MRPS22: variants seen among roughly 807,000 people sequenced by gnomAD.
MRPS22 encodes small ribosomal subunit protein mS22.
MRPS22 carries 30 observed loss-of-function variants against 44.0 expected under a neutral mutation model. That is an observed-to-expected ratio of 0.68 (90% CI 0.51 to 0.93). MRPS22 has a LOEUF of 0.93. MRPS22 is among the 40% of genes least tolerant of loss of function. The pLI, the probability that MRPS22 is intolerant of heterozygous loss-of-function variation, is 0.00. For synonymous variants in MRPS22, 165 were observed against 154.4 expected (o/e 1.07, Z -0.51); for missense variants, 447 against 447.8 (o/e 1.00, Z 0.02).
intron 5 of MRPS22, chr3:139,351,365 A>G (rs1941148825): frequency 2.6e-6 from 1 of 384,280 alleles, no homozygotes; most frequent in African/African-American, 2.1e-5. Flanking sequence ...TTTACCGTAT[A>G]GGAATCAAAT....
chr3:139,353,550 G>A (rs1941189309), intron 6 of MRPS22, among the ~76,000 whole-genome samples: 1 of 152,114 alleles, frequency 6.6e-6, no homozygotes, highest in South Asian at 2.1e-4. Flanking sequence ...TTTTTGACTC[G>A]CAGAGTATCC....
chr3:139,344,651 G>A (rs367898169), intron 1 of MRPS22: 4 of 691,712 alleles, frequency 5.8e-6, no homozygotes, highest in East Asian at 5.4e-5. Context: ...AGCTTCTCAA[G>A]CATAGGGGAC....
At chr3:139,347,977 C>T (rs552633391) in intron 2 of MRPS22, among the ~76,000 whole-genome samples, 183 bp from the exon 3 acceptor site, 57 of 152,342 alleles carry the variant, frequency 3.7e-4, no homozygotes, top group African/African-American at 1.3e-3. Flanking sequence ...GTGGTCTCAG[C>T]CACATCGCAG....
chr3:139,346,349 C>T (rs759379896), intron 1 of MRPS22, among the ~76,000 whole-genome samples: 2 of 152,190 alleles, frequency 1.3e-5, no homozygotes, highest in Non-Finnish European at 2.9e-5. Context: ...ATACCTCTCA[C>T]ATTATGTCTC....
rs1399571990 is a variant in MRPS22, at chr3:139,357,033, T to C, written c.*19T>C. The C allele has an allele frequency of 6.6e-7, 1 of 1,525,424 alleles. No individual in the cohort carries two copies. Among genetic ancestry groups the C allele is most frequent in the Non-Finnish European group, 9.0e-7 (1 of 1,105,304 alleles). 94.5% of individuals were successfully genotyped at this position (1,525,424 alleles called of 1,614,324 possible). A position where few individuals can be genotyped will look rare whatever the true frequency, so the allele number is the denominator to read the frequency against. ...TTCCTAAAAATATTTTAAAAATACA[T>C]TTATTTTACTAAATACTGACTACAT... On this transcript the variant is annotated 3_prime_UTR_variant, in exon 8 of 8. Coordinates refer to ENST00000680020, the MANE Select transcript of MRPS22 (RefSeq NM_020191.4).
Position 139,344,277 on chromosome 3 carries a change from G to A in MRPS22, c.172+79G>A, listed in dbSNP as rs74877536. On this transcript the variant is annotated intron_variant, in intron 1 of 7. Transcript: ENST00000680020. Reference sequence around the variant, plus strand: ...TGTTTCTGGCAGGCGAAAACCACGCGATAGCCCCCGCGACACGTATCCTAG... The same window carrying A: ...TGTTTCTGGCAGGCGAAAACCACGCAATAGCCCCCGCGACACGTATCCTAG... 0.075 allele frequency: 108,846 copies of A among 1,447,310 alleles called. 4,380 individuals carry two copies. Among genetic ancestry groups the A allele is most frequent in the Middle Eastern group, 0.12 (496 of 4,198 alleles). The allele number at this position is 1,447,310 out of a possible 1,614,324, so 89.7% of individuals were successfully genotyped here. A position where few individuals can be genotyped will look rare whatever the true frequency, so the allele number is the denominator to read the frequency against.
In MRPS22 at chr3:139,344,143, G is replaced by C. The variant is rs1940989571; in HGVS notation, c.117G>C (p.Pro39=). 1 of 1,613,452 alleles carries C rather than the reference G, an allele frequency of 6.2e-7. No homozygotes were observed. The highest frequency in any genetic ancestry group is 8.5e-7 in the Non-Finnish European group (1 of 1,179,766). ...CCTGGCACGGTGGCCTGCTCCAACCGCTACCTTGCTCTTTCGAGATGGGGC... is the reference window on the plus strand; with the variant it reads ...CCTGGCACGGTGGCCTGCTCCAACCCCTACCTTGCTCTTTCGAGATGGGGC... ...IQPWHGGLLQ[P]LPCSFEMGLP... is the part of the protein sequence containing the mutation. Residue 39 remains proline (P), a synonymous_variant, in exon 1 of 8, where the codon CCG becomes CCC. Transcript: ENST00000680020.
chr3:139,355,007 C>T lies in MRPS22; in HGVS notation c.879-675C>T, dbSNP rs372899082. Among the ~76,000 whole-genome samples, 4 of 152,324 alleles carry T rather than the reference C, an allele frequency of 2.6e-5. No individual in the cohort carries two copies. The South Asian group carries it at 8.3e-4, about 32-fold the overall frequency. On this transcript the variant is annotated intron_variant, in intron 6 of 7. Transcript: ENST00000680020. ...TTCTGAGAAGTACAGACCAGAAGAACTGAATTCTTGTTCTGTCTTCTTCAT... is the reference window on the plus strand; with the variant it reads ...TTCTGAGAAGTACAGACCAGAAGAATTGAATTCTTGTTCTGTCTTCTTCAT...
chr3:139,351,334 C>T, intron 5 of MRPS22: 1 of 437,848 alleles, frequency 2.3e-6, no homozygotes. Flanking sequence ...AGTTTGATGA[C>T]AAAGCCTATT....
rs780864664 is a variant in MRPS22 at position 139,356,992 on chromosome 3, G to A, written c.1061G>A (p.Ser354Asn). ...LTLQTYQEAL[S>N]RHSAAS is the part of the protein sequence containing the mutation. ...CTGCAGACTTATCAAGAAGCACTCA[G>A]TCGCCATTCTGCAGCTTCCTAAAAA... Residue 354 changes from serine (S) to asparagine (N), a missense_variant, in exon 8 of 8, where the codon AGT becomes AAT. Ser to Asn is a conservative substitution (Grantham distance 46). Transcript: ENST00000680020. 2 of 1,612,034 alleles carry A rather than the reference G, an allele frequency of 1.2e-6. No homozygotes were observed. The highest frequency in any genetic ancestry group is 1.1e-5 in the South Asian group (1 of 90,678).
At chr3:139,352,531 G>T (rs530849638) in intron 5 of MRPS22, 116 bp from the exon 6 acceptor site, 6 of 876,578 alleles carry the variant, frequency 6.8e-6, no homozygotes, top group African/African-American at 6.6e-5. Flanking sequence ...GGAGGCAACT[G>T]TAAGTAGACC....
At chr3:139,351,233 AC>A (rs1175870741) in intron 5 of MRPS22, 173 bp downstream of exon 5, 1 of 610,006 alleles carries the variant, frequency 1.6e-6, no homozygotes, top group Non-Finnish European at 2.9e-6. Context: ...AATCACAACA[AC>A]CCTTGATTAA....
At chr3:139,348,686 C>T (rs1941091037) in intron 3 of MRPS22, among the ~76,000 whole-genome samples, 1 of 152,166 alleles carries the variant, frequency 6.6e-6, no homozygotes, top group African/African-American at 2.4e-5. Context: ...ATTTCTTTAG[C>T]TGAAGCTTTT....
At chr3:139,346,374 T>A (rs943650446) in intron 1 of MRPS22, among the ~76,000 whole-genome samples, 1 of 152,102 alleles carries the variant, frequency 6.6e-6, no homozygotes, top group African/African-American at 2.4e-5. Flanking sequence ...CACCTCCCAC[T>A]TATACCGAGG....
At chr3:139,345,794 G>T (rs369193166) in intron 1 of MRPS22, among the ~76,000 whole-genome samples, 1 of 152,164 alleles carries the variant, frequency 6.6e-6, no homozygotes, top group African/African-American at 2.4e-5. Flanking sequence ...TGACTTGGCA[G>T]TATTCAAGTA....
chr3:139,354,408 T>G (rs1163566566), intron 6 of MRPS22, among the ~76,000 whole-genome samples: 1 of 152,244 alleles, frequency 6.6e-6, no homozygotes, highest in Non-Finnish European at 1.5e-5. Flanking sequence ...GCAGTCCAGT[T>G]AAGCTCTTTA....
intron 4 of MRPS22, 150 bp downstream of exon 4, chr3:139,350,472 G>C: frequency 1.2e-6 from 1 of 849,224 alleles, no homozygotes; most frequent in Non-Finnish European, 1.8e-6. Flanking sequence ...CTTTTGCCCA[G>C]GCTGAAGTGC....
At chr3:139,349,227 A>G in intron 3 of MRPS22, 2 of 423,822 alleles carry the variant, frequency 4.7e-6, no homozygotes, top group South Asian at 1.7e-5. Context: ...TAACTTGAAA[A>G]GGAGAAAGGA....
intron 4 of MRPS22, chr3:139,350,682 GC>G (rs1428639481): frequency 5.6e-5 from 2 of 35,834 alleles, no homozygotes; most frequent in Admixed American, 9.5e-4. Flanking sequence ...CCCCCCCCCC[GC>G]AATCCGACTC....
Sources: gnomAD v4.1 joint callset for allele counts (sites outside exome capture counted in the v4.1 genomes callset) on GRCh38, gnomAD v4.1.1 for gene constraint, MANE v1.5 for transcripts, NCBI Gene and HGNC (gene_info 2026-07-23, HGNC 2026-07-21) for gene names.